The following PDE4D variants were observed in gnomAD, a reference collection of about 807,000 sequenced individuals.
The protein encoded by PDE4D is phosphodiesterase 4D.
In PDE4D, 24 loss-of-function variants were observed where a neutral mutation model predicts 87.4. The observed-to-expected ratio is 0.27, with a 90% CI of 0.20 to 0.39. PDE4D has a LOEUF of 0.39. Ranked by LOEUF, PDE4D falls within the 10% of genes least tolerant of loss-of-function variation. The probability of loss-of-function intolerance (pLI) is 1.00; values close to 1 mark genes in which losing one functional copy is unlikely to be tolerated. For missense variants in PDE4D, 714 were observed against 1,041.0 expected (o/e 0.69, Z 4.32); for synonymous variants, 384 against 383.2 (o/e 1.00, Z -0.02).
intron 1 of PDE4D, among the ~76,000 whole-genome samples, chr5:59,403,787 G>A (rs1255235559): frequency 3.9e-5 from 6 of 152,068 alleles, no homozygotes; most frequent in Admixed American, 6.6e-5. Flanking sequence ...CAGATATATT[G>A]ATTTCCTTTC....
intron 1 of PDE4D, among the ~76,000 whole-genome samples, chr5:60,387,150 G>A (rs189124821): frequency 2.0e-5 from 3 of 152,316 alleles, no homozygotes; most frequent in East Asian, 3.9e-4. Flanking sequence ...GCAGTAACAA[G>A]GACAAGGTGA....
chr5:60,036,075 T>C (rs1767763898), intron 2 of PDE4D, among the ~76,000 whole-genome samples: 3 of 152,242 alleles, frequency 2.0e-5, no homozygotes, highest in Non-Finnish European at 4.4e-5. Context: ...ATATTATAGT[T>C]ATCATCCTTC....
At chr5:59,703,590 G>T (rs768385385) in intron 1 of PDE4D, 1 of 534,468 alleles carries the variant, frequency 1.9e-6, no homozygotes, top group South Asian at 1.4e-5. Flanking sequence ...TTTGTCCCCA[G>T]CCGACTTCAC....
chr5:60,072,178 ATC>A (rs1196721409), intron 2 of PDE4D, among the ~76,000 whole-genome samples: 4 of 152,098 alleles, frequency 2.6e-5, no homozygotes, highest in African/African-American at 4.8e-5. Context: ...GCTCACCAGT[ATC>A]TGTTATTTTC....
At chr5:59,415,184 A>G (rs1475929037) in intron 1 of PDE4D, among the ~76,000 whole-genome samples, 1 of 152,186 alleles carries the variant, frequency 6.6e-6, no homozygotes, top group Non-Finnish European at 1.5e-5. Context: ...TCTGGCAGAT[A>G]AAGCTGATGA....
At position 58,973,069 on chromosome 5, in the gene PDE4D, A is replaced by C. The variant is rs1742890544; in HGVS notation, c.*1595T>G. On this transcript the variant is annotated 3_prime_UTR_variant, in exon 15 of 15. Transcript: ENST00000340635. ...TAAGGAAGAGTAGTTGCTACACTTAAAACCGTTTCTCAGGGATGTTCCTGA... is the reference window on the plus strand; with the variant it reads ...TAAGGAAGAGTAGTTGCTACACTTACAACCGTTTCTCAGGGATGTTCCTGA... The C allele has an allele frequency of 6.6e-6, 1 of 152,174 alleles. No individual in the cohort carries two copies. Among genetic ancestry groups the C allele is most frequent in the African/African-American group, 2.4e-5 (1 of 41,430 alleles). 9.4% of individuals were successfully genotyped at this position (152,174 alleles called of 1,614,324 possible). A position where few individuals can be genotyped will look rare whatever the true frequency, so the allele number is the denominator to read the frequency against.
chr5:60,324,530 A>T (rs1173789842), intron 1 of PDE4D, among the ~76,000 whole-genome samples: 1 of 152,208 alleles, frequency 6.6e-6, no homozygotes. Flanking sequence ...CCCAGCTATC[A>T]GGGAGGCTGA....
intron 1 of PDE4D, among the ~76,000 whole-genome samples, chr5:59,774,616 C>T (rs1219752575): frequency 1.3e-5 from 2 of 151,080 alleles, no homozygotes; most frequent in African/African-American, 2.4e-5. Context: ...AATAGTAAGT[C>T]ATTATTTCAC....
intron 1 of PDE4D, among the ~76,000 whole-genome samples, chr5:59,751,109 G>A (rs1760390686): frequency 6.6e-6 from 1 of 152,092 alleles, no homozygotes; most frequent in Non-Finnish European, 1.5e-5. Context: ...CTCTCACCTT[G>A]GTGAGCTAGT....
intron 1 of PDE4D, among the ~76,000 whole-genome samples, chr5:59,438,827 T>C (rs751225060): frequency 6.6e-5 from 10 of 152,088 alleles, no homozygotes; most frequent in Non-Finnish European, 1.3e-4. Flanking sequence ...AAACTCATAA[T>C]AAACTAAATC....
At chr5:59,931,869 T>A (rs147860761) in intron 3 of PDE4D, among the ~76,000 whole-genome samples, 3 of 152,076 alleles carry the variant, frequency 2.0e-5, no homozygotes, top group Admixed American at 6.5e-5. Context: ...ACCCGGCTAA[T>A]TTTTTGTGAT....
At chr5:60,258,359 A>C (rs1336515164) in intron 1 of PDE4D, among the ~76,000 whole-genome samples, 1 of 152,048 alleles carries the variant, frequency 6.6e-6, no homozygotes, top group Non-Finnish European at 1.5e-5. Context: ...AAGTATGAGA[A>C]AAGATTTGAC....
At chr5:60,472,537 A>T (rs914028301) in intron 1 of PDE4D, among the ~76,000 whole-genome samples, 8 of 152,160 alleles carry the variant, frequency 5.3e-5, no homozygotes, top group Non-Finnish European at 1.0e-4. Flanking sequence ...TAAGGACATC[A>T]ATCCTGTAAA....
chr5:60,352,366 T>C (rs981361519), intron 1 of PDE4D, among the ~76,000 whole-genome samples: 2 of 152,168 alleles, frequency 1.3e-5, no homozygotes, highest in African/African-American at 2.4e-5. Context: ...TCCTGACCCA[T>C]CATTACTAAA....
chr5:59,326,722 A>T (rs545296975), intron 1 of PDE4D, among the ~76,000 whole-genome samples: 1 of 148,728 alleles, frequency 6.7e-6, no homozygotes, highest in East Asian at 1.9e-4. Flanking sequence ...TCTAAAACAC[A>T]TGTTACAATG....
chr5:60,296,781 G>A (rs542044151), intron 1 of PDE4D, among the ~76,000 whole-genome samples: 1 of 152,286 alleles, frequency 6.6e-6, no homozygotes, highest in East Asian at 1.9e-4. Flanking sequence ...ATGAGTTCAT[G>A]TCCTTTGCAG....
chr5:59,395,362 G>T (rs910238728), intron 1 of PDE4D, among the ~76,000 whole-genome samples: 1 of 152,196 alleles, frequency 6.6e-6, no homozygotes, highest in African/African-American at 2.4e-5. Context: ...GAGAGCAGTG[G>T]TTCTCCCAGC....
intron 1 of PDE4D, among the ~76,000 whole-genome samples, chr5:59,862,731 AT>A (rs568846231): frequency 6.6e-6 from 1 of 152,130 alleles, no homozygotes; most frequent in African/African-American, 2.4e-5. Context: ...TAACTAGCAG[AT>A]TTTTTTTCCT....
intron 1 of PDE4D, among the ~76,000 whole-genome samples, chr5:59,329,915 T>C (rs1233602772): frequency 6.6e-6 from 1 of 152,214 alleles, no homozygotes; most frequent in Admixed American, 6.5e-5. Context: ...GTGTTTTCTT[T>C]TGCAGATATA....
Sources: gnomAD v4.1 joint callset for allele counts (sites outside exome capture counted in the v4.1 genomes callset) on GRCh38, gnomAD v4.1.1 for gene constraint, MANE v1.5 for transcripts, NCBI Gene and HGNC (gene_info 2026-07-23, HGNC 2026-07-21) for gene names.